The following SP4 variants were observed in gnomAD, a reference collection of about 807,000 sequenced individuals.
SP4 encodes transcription factor Sp4.
In SP4, 19 loss-of-function variants were observed where a neutral mutation model predicts 72.8. The observed-to-expected ratio is 0.26, with a 90% CI of 0.18 to 0.38. The LOEUF is 0.38. Ranked by LOEUF, SP4 falls within the 10% of genes least tolerant of loss-of-function variation. The probability of loss-of-function intolerance (pLI) is 1.00; values close to 1 mark genes in which losing one functional copy is unlikely to be tolerated. For synonymous variants in SP4, 395 were observed against 333.1 expected (o/e 1.19, Z -2.02); for missense variants, 1,008 against 926.3 (o/e 1.09, Z -1.14).
chr7:21,445,638 G>A (rs1051126918), intron 3 of SP4, among the ~76,000 whole-genome samples: 2 of 152,090 alleles, frequency 1.3e-5, no homozygotes, highest in Non-Finnish European at 2.9e-5. Flanking sequence ...GCTGTTTTTA[G>A]TAGATGAGAA....
chr7:21,429,716 CTAG>C lies in SP4; in HGVS notation c.556_558del (p.Ser188del). ...GGTCAACAAATTCAAATCAATCCAA[CTAG>C]TAGTTCATCTCTACAGGATTTGCAG... On this transcript the variant is annotated inframe_deletion, in exon 3 of 6. Transcript: ENST00000222584. 6.2e-7 allele frequency: 1 copy of C among 1,614,188 alleles called. No homozygotes were observed. The highest frequency in any genetic ancestry group is 8.5e-7 in the Non-Finnish European group (1 of 1,180,026).
At chr7:21,484,609 T>G (rs953171532) in intron 5 of SP4, among the ~76,000 whole-genome samples, 4 of 151,938 alleles carry the variant, frequency 2.6e-5, no homozygotes, top group Non-Finnish European at 5.9e-5. Context: ...GATTAAAAGT[T>G]AATTCCATAC....
intron 3 of SP4, chr7:21,471,023 G>A (rs1203328178): frequency 5.6e-6 from 3 of 534,116 alleles, no homozygotes; most frequent in African/African-American, 3.9e-5. Context: ...GGAGATGGAG[G>A]TTTGGGGTGG....
At chr7:21,498,852 GAGGC>G (rs1554301109) in intron 5 of SP4, among the ~76,000 whole-genome samples, 2 of 152,118 alleles carry the variant, frequency 1.3e-5, no homozygotes, top group Non-Finnish European at 2.9e-5. Flanking sequence ...ATGGGAGGCC[GAGGC>G]AGGCGGATCA....
chr7:21,452,649 A>G (rs1047996605), intron 3 of SP4, among the ~76,000 whole-genome samples: 2 of 152,216 alleles, frequency 1.3e-5, no homozygotes, highest in South Asian at 4.1e-4. Flanking sequence ...GCAAAAGAAA[A>G]CAGATTTTAT....
In SP4 at chr7:21,493,434, TAAAA is replaced by T. The variant is rs372066932; in HGVS notation, c.2107+11315_2107+11318del. Among the ~76,000 whole-genome samples, 46 of 152,072 alleles carry T rather than the reference TAAAA, an allele frequency of 3.0e-4. No homozygotes were observed. The East Asian group carries it at 8.3e-3, about 27-fold the overall frequency. On this transcript the variant is annotated intron_variant, in intron 5 of 5. Coordinates refer to ENST00000222584, the MANE Select transcript of SP4 (RefSeq NM_003112.5). ...TCGTAGCATTAAATGCTTTTACTGGTAAAAAAAGAAAGGTCCTCAGTCAATAGTC... is the reference window on the plus strand; with the variant it reads ...TCGTAGCATTAAATGCTTTTACTGGTAAAGAAAGGTCCTCAGTCAATAGTC...
chr7:21,449,129 T>A (rs1000647706), intron 3 of SP4, among the ~76,000 whole-genome samples: 1 of 152,154 alleles, frequency 6.6e-6, no homozygotes, highest in African/African-American at 2.4e-5. Context: ...CAGGGCGAGG[T>A]ACCAAACAAC....
intron 3 of SP4, among the ~76,000 whole-genome samples, chr7:21,450,729 A>C (rs1315999882): frequency 1.3e-5 from 2 of 152,210 alleles, no homozygotes; most frequent in African/African-American, 4.8e-5. Context: ...CATATACTAC[A>C]TACTAGCTTG....
At chr7:21,428,535 A>G in intron 1 of SP4, 142 bp from the exon 2 acceptor site, 1 of 953,348 alleles carries the variant, frequency 1.0e-6, no homozygotes, top group Non-Finnish European at 1.5e-6. Context: ...CTTCTCCCCC[A>G]CCCCCTGCCG....
intron 2 of SP4, 37 bp from the exon 3 acceptor site, chr7:21,429,252 C>A: frequency 1.6e-5 from 1 of 60,898 alleles, no homozygotes; most frequent in South Asian, 2.7e-4. Context: ...CACTTTTTTT[C>A]CCCCCCCCCT....
chr7:21,508,973 A>G (rs1392245104), intron 5 of SP4, among the ~76,000 whole-genome samples: 2 of 152,128 alleles, frequency 1.3e-5, no homozygotes, highest in African/African-American at 4.8e-5. Context: ...CGACAAATTT[A>G]TTCTAATTGT....
intron 5 of SP4, among the ~76,000 whole-genome samples, chr7:21,488,646 G>T (rs2128412926): frequency 6.6e-6 from 1 of 152,070 alleles, no homozygotes; most frequent in Admixed American, 6.5e-5. Flanking sequence ...TATAGTCCCA[G>T]CTACTCAGGA....
In SP4 at chr7:21,468,284, A is replaced by T. The variant is rs139735935; in HGVS notation, c.1679-8795A>T. The stretch of plus-strand genomic sequence containing the variant: ...TAGCTGATTTTTCACATGTCAAATT[A>T]GCAGACTTTCATGGAAAAGTTTCGA... On this transcript the variant is annotated intron_variant, in intron 3 of 5. Coordinates refer to ENST00000222584, the MANE Select transcript of SP4 (RefSeq NM_003112.5). Among the ~76,000 whole-genome samples the T allele has an allele frequency of 2.6e-4, 39 of 152,292 alleles. No homozygotes were observed. The East Asian group carries it at 7.1e-3, about 28-fold the overall frequency.
At chr7:21,428,626 T>C in intron 1 of SP4, 51 bp from the exon 2 acceptor site, 1 of 1,470,816 alleles carries the variant, frequency 6.8e-7, no homozygotes, top group African/African-American at 1.4e-5. Context: ...CGAATAATAA[T>C]AATCCTAATA....
In SP4 at chr7:21,428,203, C is replaced by CCCCCCCAAAAAAA; in HGVS notation, c.-49_-48insCCCCCCAAAAAAA. ...CTCCCGCCTCGCCCCCACCCCCACC[C>CCCCCCCAAAAAAA]ACCTCTATCCCAGTGTCTCCGTCTG... On this transcript the variant is annotated 5_prime_UTR_variant, in exon 1 of 6. Transcript: ENST00000222584. The CCCCCCCAAAAAAA allele has an allele frequency of 8.2e-7, 1 of 1,216,720 alleles. No individual in the cohort carries two copies. The highest frequency in any genetic ancestry group is 1.2e-6 in the Non-Finnish European group (1 of 854,966). 75.4% of individuals were successfully genotyped at this position (1,216,720 alleles called of 1,614,324 possible).
chr7:21,445,613 T>G (rs949823506), intron 3 of SP4, among the ~76,000 whole-genome samples: 2 of 152,192 alleles, frequency 1.3e-5, no homozygotes, highest in African/African-American at 4.8e-5. Context: ...TGTTTTATCT[T>G]GATCTTAGAT....
At chr7:21,429,022 C>G (rs12534852) in intron 2 of SP4, 176,633 of 573,570 alleles carry the variant, frequency 0.31, 30,517 homozygotes, top group Non-Finnish European at 0.36. Flanking sequence ...TGTGTGTGTT[C>G]CCAAGGGCAT....
intron 5 of SP4, among the ~76,000 whole-genome samples, chr7:21,496,587 G>A (rs1209863879): frequency 6.6e-6 from 1 of 152,140 alleles, no homozygotes; most frequent in Non-Finnish European, 1.5e-5. Flanking sequence ...TTGTCTTTCA[G>A]CAGTTTGATT....
chr7:21,489,107 A>T (rs1784902627), intron 5 of SP4, among the ~76,000 whole-genome samples: 2 of 152,196 alleles, frequency 1.3e-5, no homozygotes, highest in Non-Finnish European at 2.9e-5. Flanking sequence ...GGTTCTTTAT[A>T]ATATATGACG....
Sources: gnomAD v4.1 joint callset for allele counts (sites outside exome capture counted in the v4.1 genomes callset) on GRCh38, gnomAD v4.1.1 for gene constraint, MANE v1.5 for transcripts, NCBI Gene and HGNC (gene_info 2026-07-23, HGNC 2026-07-21) for gene names.